The following FAM120B variants were observed in gnomAD, a reference collection of about 807,000 sequenced individuals.
The protein encoded by FAM120B is family with sequence similarity 120 member B.
In FAM120B, 83 loss-of-function variants were observed where a neutral mutation model predicts 96.3. The observed-to-expected ratio is 0.86, with a 90% CI of 0.72 to 1.03. The LOEUF (loss-of-function observed/expected upper bound fraction) is 1.03. FAM120B is among the 50% of genes least tolerant of loss of function. The pLI is 0.00. For missense variants in FAM120B, 1,027 were observed against 1,121.2 expected, an observed-to-expected ratio of 0.92 and a Z score of 1.20; for synonymous variants, 407 against 402.7, an observed-to-expected ratio of 1.01 and a Z score of -0.13.
chr6:170,404,521 A>T (rs759161162), intron 9 of FAM120B, 29 bp from the exon 10 acceptor site: 6 of 1,606,496 alleles, frequency 3.7e-6, no homozygotes, highest in Non-Finnish European at 5.1e-6. Flanking sequence ...TTTAATTCTT[A>T]CTTTGGTTTT....
chr6:170,317,781 T>C lies in FAM120B; in HGVS notation c.391T>C (p.Phe131Leu), dbSNP rs1377800794. The C allele has an allele frequency of 6.2e-7, 1 of 1,614,214 alleles. No individual in the cohort carries two copies. Among genetic ancestry groups the C allele is most frequent in the Middle Eastern group, 1.6e-4 (1 of 6,062 alleles). Residue 131 changes from phenylalanine to leucine, a missense_variant, in exon 2 of 11, where the codon TTC (phenylalanine) becomes CTC (leucine). Physicochemically the swap from Phe to Leu is conservative, Grantham distance 22. This residue lies in a region of FAM120B where 880 missense variants were observed against 980.9 expected (regional missense o/e 0.90). Coordinates refer to ENST00000476287, the MANE Select transcript of FAM120B (RefSeq NM_032448.3). ...SHKEQPGRNM[F>L]FIPSGLAVFT... ...CAAGGAGCAGCCAGGCAGAAATATG[T>C]TCTTCATCCCCTCAGGGCTAGCTGT...
chr6:170,369,141 A>G (rs1041068039), intron 6 of FAM120B, among the ~76,000 whole-genome samples: 19 of 149,706 alleles, frequency 1.3e-4, no homozygotes, highest in African/African-American at 4.4e-4. Flanking sequence ...GAGATAAGAT[A>G]GAAATGAACA....
At chr6:170,344,130 C>A (rs1787021168) in intron 4 of FAM120B, among the ~76,000 whole-genome samples, 1 of 136,248 alleles carries the variant, frequency 7.3e-6, no homozygotes, top group Admixed American at 7.4e-5. Flanking sequence ...CGGTGCTAGC[C>A]TCTCACTCGT....
intron 9 of FAM120B, among the ~76,000 whole-genome samples, chr6:170,397,252 G>C (rs1442126571): frequency 6.6e-6 from 1 of 152,250 alleles, no homozygotes; most frequent in Non-Finnish European, 1.5e-5. Flanking sequence ...AGGTGAGCGT[G>C]TGCAGAGCAC....
At chr6:170,365,949 T>C (rs1788765637) in intron 6 of FAM120B, among the ~76,000 whole-genome samples, 1 of 152,166 alleles carries the variant, frequency 6.6e-6, no homozygotes, top group African/African-American at 2.4e-5. Context: ...AAAAGGACCC[T>C]TGGCCAGAAA....
intron 5 of FAM120B, among the ~76,000 whole-genome samples, chr6:170,357,915 C>T (rs916703114): frequency 5.9e-5 from 9 of 152,238 alleles, no homozygotes; most frequent in African/African-American, 2.2e-4. Context: ...ATACTGTCTG[C>T]TGCCTGAGGT....
chr6:170,373,461 T>C lies in FAM120B; in HGVS notation c.2284-14826T>C, dbSNP rs146721400. ...GAGAGTCACCAGGTGACTTTCTCTG[T>C]TGCTGAAAAGATAACCTCAGATCCT... On this transcript the variant is annotated intron_variant, in intron 6 of 10. Coordinates refer to ENST00000476287, the MANE Select transcript of FAM120B (RefSeq NM_032448.3). 2.7e-3 allele frequency among the ~76,000 whole-genome samples: 413 copies of C among 152,312 alleles called. 4 individuals are homozygous for C. The highest frequency in any genetic ancestry group is 9.7e-3 in the African/African-American group (402 of 41,576).
intron 9 of FAM120B, among the ~76,000 whole-genome samples, chr6:170,402,089 C>T (rs1398445613): frequency 6.6e-6 from 1 of 152,280 alleles, no homozygotes; most frequent in African/African-American, 2.4e-5. Context: ...TGTGTTCCCA[C>T]TGCTGAGGGT....
intron 9 of FAM120B, among the ~76,000 whole-genome samples, chr6:170,398,173 G>A (rs536458441): frequency 8.9e-4 from 135 of 152,340 alleles, no homozygotes; most frequent in African/African-American, 2.9e-3. Context: ...CATCGCCACA[G>A]GCAACGCACT....
chr6:170,381,744 T>G (rs1789912713), intron 6 of FAM120B, among the ~76,000 whole-genome samples: 1 of 151,468 alleles, frequency 6.6e-6, no homozygotes, highest in Non-Finnish European at 1.5e-5. Context: ...GGAAGAAAAG[T>G]CACATGATCA....
chr6:170,382,725 T>C (rs1789981561), intron 6 of FAM120B, among the ~76,000 whole-genome samples: 1 of 152,202 alleles, frequency 6.6e-6, no homozygotes, highest in Admixed American at 6.5e-5. Context: ...CCCTCCAGAC[T>C]GATGTACAGG....
intron 6 of FAM120B, among the ~76,000 whole-genome samples, chr6:170,368,632 G>T (rs1788952249): frequency 6.6e-6 from 1 of 152,218 alleles, no homozygotes; most frequent in South Asian, 2.1e-4. Flanking sequence ...AAGGAAAAAT[G>T]CTTTCATTAT....
chr6:170,327,067 G>A (rs1404897796), intron 3 of FAM120B, among the ~76,000 whole-genome samples: 1 of 149,756 alleles, frequency 6.7e-6, no homozygotes, highest in Non-Finnish European at 1.5e-5. Context: ...TTTTTTTTGA[G>A]ATGGAGTCTT....
intron 6 of FAM120B, among the ~76,000 whole-genome samples, chr6:170,384,931 A>G (rs1222950256): frequency 2.0e-5 from 3 of 152,234 alleles, no homozygotes; most frequent in Admixed American, 6.5e-5. Flanking sequence ...TGATAGGACA[A>G]ACAGACAGAA....
intron 3 of FAM120B, among the ~76,000 whole-genome samples, chr6:170,325,955 C>T (rs936161168): frequency 6.6e-6 from 1 of 151,818 alleles, no homozygotes; most frequent in African/African-American, 2.4e-5. Context: ...TCACCATTTA[C>T]TATCAAATAA....
At chr6:170,394,235 G>A (rs1319738248) in intron 8 of FAM120B, among the ~76,000 whole-genome samples, 1 of 152,238 alleles carries the variant, frequency 6.6e-6, no homozygotes, top group African/African-American at 2.4e-5. Flanking sequence ...ACTGGGGAAG[G>A]TGAGTCAGCC....
chr6:170,346,479 T>C (rs1387449918), intron 4 of FAM120B, among the ~76,000 whole-genome samples: 2 of 152,240 alleles, frequency 1.3e-5, no homozygotes, highest in Non-Finnish European at 2.9e-5. Flanking sequence ...TAATAGAAGA[T>C]TCATTACTTA....
intron 2 of FAM120B, among the ~76,000 whole-genome samples, chr6:170,320,197 TACA>T (rs1178766901): frequency 6.6e-6 from 1 of 152,190 alleles, no homozygotes; most frequent in African/African-American, 2.4e-5. Flanking sequence ...TTCATCTAGT[TACA>T]ACTACATAGA....
At chr6:170,316,237 C>T (rs1784893964) in intron 1 of FAM120B, among the ~76,000 whole-genome samples, 1 of 152,172 alleles carries the variant, frequency 6.6e-6, no homozygotes, top group Non-Finnish European at 1.5e-5. Flanking sequence ...CACTGTCTGG[C>T]AGCTGGGAAA....
Sources: allele counts gnomAD v4.1 joint callset (sites outside exome capture counted in the v4.1 genomes callset), GRCh38; gene constraint gnomAD v4.1.1; regional missense constraint gnomAD v4.1.1; transcripts MANE v1.5; gene names NCBI Gene and HGNC (gene_info 2026-07-23, HGNC 2026-07-21).